Variants in AIM2 observed in about 807,000 individuals in gnomAD.
AIM2 encodes absent in melanoma 2.
Under a neutral mutation model 27.7 loss-of-function variants are expected in AIM2, and 30 were observed. The ratio of observed to expected loss-of-function variants is 1.08; its 90% CI spans 0.81 to 1.47. AIM2 has a LOEUF of 1.47. Among genes scored for constraint, AIM2 ranks in the 40% most tolerant of loss-of-function variants. The pLI, the probability that AIM2 is intolerant of heterozygous loss-of-function variation, is 0.00. For synonymous variants in AIM2, 141 were observed against 145.3 expected, an observed-to-expected ratio of 0.97 and a Z score of 0.21; for missense variants, 358 against 411.3, an observed-to-expected ratio of 0.87 and a Z score of 1.12.
chr1:159,112,962 T>TG (rs1325435547), intron 1 of AIM2, among the ~76,000 whole-genome samples: 8 of 150,888 alleles, frequency 5.3e-5, no homozygotes, highest in African/African-American at 1.7e-4. Flanking sequence ...ATTTTTTTTT[T>TG]GGGACGGAGT....
At chr1:159,077,771 G>C (rs1409199924), upstream of AIM2, among the ~76,000 whole-genome samples, 2 of 152,172 alleles carry the variant, frequency 1.3e-5, no homozygotes, top group Non-Finnish European at 2.9e-5. Context: ...TTGAGGGCTT[G>C]ATTCTAGTCA....
intron 2 of AIM2, among the ~76,000 whole-genome samples, chr1:159,070,854 G>T (rs1183617490): frequency 6.6e-6 from 1 of 152,168 alleles, no homozygotes; most frequent in Non-Finnish European, 1.5e-5. Context: ...TCTCTTCTAT[G>T]TTCACAGCAT....
At position 159,073,414 on chromosome 1, in the gene AIM2, A is replaced by T. The variant is rs201923123; in HGVS notation, c.86T>A (p.Leu29His). 1.2e-6 allele frequency: 2 copies of T among 1,614,174 alleles called. No individual in the cohort carries two copies. Among genetic ancestry groups the T allele is most frequent in the Admixed American group, 3.3e-5 (2 of 60,020 alleles). The change falls in exon 2 of 6, where the codon CTT becomes CAT. Residue 29 changes from leucine to histidine, a missense_variant. Coordinates refer to ENST00000368130, the MANE Select transcript of AIM2 (RefSeq NM_004833.3). ...TGTGGCAATATTAAACTCGTCTGAA[A>T]GAAAGAACTTAAACCTATCCAGTTC... ...DEELDRFKFF[L>H]SDEFNIATGK...
At chr1:159,093,804 C>T (rs569725448) in intron 1 of AIM2, among the ~76,000 whole-genome samples, 6 of 151,718 alleles carry the variant, frequency 4.0e-5, no homozygotes, top group Admixed American at 1.3e-4. Flanking sequence ...GGCACAATCT[C>T]GGCTCACTGC....
intron 1 of AIM2, among the ~76,000 whole-genome samples, chr1:159,113,040 G>T (rs1216439882): frequency 6.6e-6 from 1 of 151,924 alleles, no homozygotes; most frequent in African/African-American, 2.4e-5. Flanking sequence ...CGCTTCCGGG[G>T]TTCACGCCAT....
intron 1 of AIM2, among the ~76,000 whole-genome samples, chr1:159,117,367 G>C (rs1005923812): frequency 2.0e-5 from 3 of 152,094 alleles, no homozygotes; most frequent in Non-Finnish European, 4.4e-5. Context: ...TTAACCTTAA[G>C]GAAGAAAAAC....
At chr1:159,105,953 T>C (rs541787977) in intron 1 of AIM2, among the ~76,000 whole-genome samples, 3 of 152,212 alleles carry the variant, frequency 2.0e-5, no homozygotes, top group East Asian at 3.9e-4. Flanking sequence ...ACCCACCCCT[T>C]TCTGCCCGGG....
downstream of AIM2, among the ~76,000 whole-genome samples, chr1:159,060,753 ATT>A (rs1472185634): frequency 6.6e-6 from 1 of 152,220 alleles, no homozygotes; most frequent in African/African-American, 2.4e-5. Context: ...GTACAATTCA[ATT>A]ATGTGGATCT....
chr1:159,125,542 C>A (rs143137284), intron 1 of AIM2, among the ~76,000 whole-genome samples: 1 of 152,118 alleles, frequency 6.6e-6, no homozygotes, highest in African/African-American at 2.4e-5. Flanking sequence ...TAGAGGGCCA[C>A]GGAAAGCCAG....
At chr1:159,093,597 G>A (rs917126496) in intron 1 of AIM2, among the ~76,000 whole-genome samples, 1 of 151,958 alleles carries the variant, frequency 6.6e-6, no homozygotes. Flanking sequence ...CTCATGTGCT[G>A]GAATACATTA....
chr1:159,069,532 G>C (rs1275917803), intron 2 of AIM2, among the ~76,000 whole-genome samples: 2 of 151,500 alleles, frequency 1.3e-5, no homozygotes, highest in African/African-American at 4.9e-5. Context: ...TATGAAACAA[G>C]GGCTGATTTC....
upstream of AIM2, among the ~76,000 whole-genome samples, chr1:159,078,996 T>A (rs1319479250): frequency 6.6e-6 from 1 of 152,094 alleles, no homozygotes; most frequent in African/African-American, 2.4e-5. Context: ...CAAAAAGAAT[T>A]CAAGTCAGTT....
chr1:159,114,627 T>A (rs1365754573), intron 1 of AIM2, among the ~76,000 whole-genome samples: 1 of 152,202 alleles, frequency 6.6e-6, no homozygotes, highest in Non-Finnish European at 1.5e-5. Context: ...CAAGAATCAC[T>A]TGAACCCGGG....
At chr1:159,131,150 C>T (rs1310869182) in intron 1 of AIM2, among the ~76,000 whole-genome samples, 1 of 152,162 alleles carries the variant, frequency 6.6e-6, no homozygotes, top group Non-Finnish European at 1.5e-5. Flanking sequence ...CCAGAGCAAG[C>T]AGTTTAAGAC....
intron 1 of AIM2, among the ~76,000 whole-genome samples, chr1:159,098,739 AC>A: frequency 6.6e-6 from 1 of 152,322 alleles, no homozygotes; most frequent in South Asian, 2.1e-4. Context: ...TGTTTGTTTA[AC>A]AAACATCTTC....
chr1:159,125,761 G>A (rs944521941), intron 1 of AIM2, among the ~76,000 whole-genome samples: 1 of 152,168 alleles, frequency 6.6e-6, no homozygotes, highest in African/African-American at 2.4e-5. Context: ...ACCCTTTAGA[G>A]AAAAAGAGGA....
At chr1:159,083,907 G>T (rs888980157) in intron 1 of AIM2, among the ~76,000 whole-genome samples, 1 of 152,170 alleles carries the variant, frequency 6.6e-6, no homozygotes, top group Non-Finnish European at 1.5e-5. Flanking sequence ...CAATATTTAT[G>T]GACCACCTAT....
chr1:159,066,430 G>T, intron 3 of AIM2, 101 bp from the exon 4 acceptor site: 1 of 1,238,790 alleles, frequency 8.1e-7, no homozygotes, highest in Non-Finnish European at 1.1e-6. Flanking sequence ...GCCAGCAGAA[G>T]ATAGGTGGAA....
chr1:159,082,188 A>G (rs2102000370), intron 1 of AIM2, among the ~76,000 whole-genome samples: 1 of 152,284 alleles, frequency 6.6e-6, no homozygotes, highest in African/African-American at 2.4e-5. Flanking sequence ...AAGAGAGTGG[A>G]GCAATTCCTT....
Sources: allele counts gnomAD v4.1 joint callset (sites outside exome capture counted in the v4.1 genomes callset), GRCh38; gene constraint gnomAD v4.1.1; transcripts MANE v1.5; gene names NCBI Gene and HGNC (gene_info 2026-07-23, HGNC 2026-07-21).